Variants in P4HA3 observed in about 807,000 individuals in gnomAD.
P4HA3 encodes the protein prolyl 4-hydroxylase subunit alpha-3.
In P4HA3, 60 loss-of-function variants were observed where a neutral mutation model predicts 66.7. The ratio of observed to expected loss-of-function variants is 0.90; its 90% CI spans 0.73 to 1.12. P4HA3 has a LOEUF of 1.12. Among genes scored for constraint, P4HA3 ranks in the 50% most tolerant of loss-of-function variants. The probability of loss-of-function intolerance (pLI) is 0.00; values close to 1 mark genes in which losing one functional copy is unlikely to be tolerated. For missense variants in P4HA3, 683 were observed against 685.8 expected (o/e 1.00, Z 0.05); for synonymous variants, 263 against 274.6 (o/e 0.96, Z 0.42).
At chr11:74,262,585 C>A (rs1226375355), downstream of P4HA3, among the ~76,000 whole-genome samples, 2 of 152,150 alleles carry the variant, frequency 1.3e-5, no homozygotes, top group African/African-American at 4.8e-5. Flanking sequence ...TCTTTAAACC[C>A]CATTTTCCTC....
At chr11:74,253,613 G>A in intron 15 of P4HA3, 1 of 1,300,100 alleles carries the variant, frequency 7.7e-7, no homozygotes, top group East Asian at 2.3e-5. Flanking sequence ...GCCCAGCCAT[G>A]TGACACTGGC....
chr11:74,261,283 G>A (rs1489800881), intron 14 of P4HA3, among the ~76,000 whole-genome samples: 5 of 152,172 alleles, frequency 3.3e-5, no homozygotes, highest in South Asian at 2.1e-4. Context: ...AATGGGGAGC[G>A]TGTGCTGACT....
chr11:74,263,678 A>G (rs1565401791), downstream of P4HA3, among the ~76,000 whole-genome samples: 1 of 152,348 alleles, frequency 6.6e-6, no homozygotes, highest in East Asian at 1.9e-4. Flanking sequence ...TGCCTGGCCT[A>G]TCATAAATGA....
At chr11:74,296,421 G>A (rs1225523711) in intron 4 of P4HA3, among the ~76,000 whole-genome samples, 1 of 152,014 alleles carries the variant, frequency 6.6e-6, no homozygotes, top group African/African-American at 2.4e-5. Flanking sequence ...GATAATGAAA[G>A]GTCCACAGGG....
chr11:74,269,240 G>A (rs1401955208), intron 11 of P4HA3, among the ~76,000 whole-genome samples: 7 of 152,022 alleles, frequency 4.6e-5, no homozygotes, highest in Non-Finnish European at 7.4e-5. Context: ...GCCTGCTGAC[G>A]TCTCTGTAAA....
In P4HA3 at chr11:74,311,594, C is replaced by A; in HGVS notation, c.18G>T (p.Arg6=). Residue 6 remains arginine, a synonymous_variant, in exon 1 of 13, where the codon CGG becomes CGT. Coordinates refer to ENST00000331597, the MANE Select transcript of P4HA3 (RefSeq NM_182904.5). MGPGA[R]LAALLAVLAL... ...CCAGCACCGCCAGCAGCGCCGCCAG[C>A]CGCGCCCCAGGACCCATAGCCAGCG... 1.3e-6 allele frequency: 2 copies of A among 1,534,652 alleles called. No homozygotes were observed. The highest frequency in any genetic ancestry group is 8.7e-7 in the Non-Finnish European group (1 of 1,152,164).
chr11:74,266,236 G>A (rs545104092), downstream of P4HA3, among the ~76,000 whole-genome samples: 1 of 152,206 alleles, frequency 6.6e-6, no homozygotes, highest in East Asian at 1.9e-4. Flanking sequence ...TAAATAAAAT[G>A]CTGTACAGTC....
chr11:74,282,404 G>C (rs1860638949), intron 7 of P4HA3, among the ~76,000 whole-genome samples: 1 of 152,174 alleles, frequency 6.6e-6, no homozygotes, highest in African/African-American at 2.4e-5. Context: ...GGGACACATA[G>C]CCCATTCTTA....
rs140613720 is a variant in P4HA3, at chr11:74,279,400, C to T, written c.1163G>A (p.Arg388His). The change falls in exon 8 of 13, where the codon CGC becomes CAC. Residue 388 changes from arginine to histidine, a missense_variant. Coordinates refer to ENST00000331597, the MANE Select transcript of P4HA3 (RefSeq NM_182904.5). ...SGEKQLQVEY[R>H]ISKSAWLKDT... ...GGGCCCTTCTTACCTTTTGCTGATG[C>T]GGTACTCCACTTGTAACTGCTTCTC... is the stretch of plus-strand genomic sequence containing the variant. The T allele has an allele frequency of 1.6e-4, 253 of 1,613,796 alleles. 1 individual carries two copies. Among genetic ancestry groups the T allele is most frequent in the East Asian group, 4.2e-4 (19 of 44,870 alleles).
intron 15 of P4HA3, chr11:74,259,916 T>C (rs964705075): frequency 6.6e-6 from 1 of 152,242 alleles, no homozygotes; most frequent in Non-Finnish European, 1.5e-5. Context: ...TTCTTTCAGA[T>C]ACATACCTGG....
downstream of P4HA3, among the ~76,000 whole-genome samples, chr11:74,266,401 T>G (rs1048357921): frequency 6.6e-6 from 1 of 152,240 alleles, no homozygotes; most frequent in Admixed American, 6.5e-5. Flanking sequence ...CTAGATTACT[T>G]ATAACACCTA....
At chr11:74,284,651 G>A (rs17132911) in intron 7 of P4HA3, among the ~76,000 whole-genome samples, 16,579 of 152,088 alleles carry the variant, frequency 0.11, 1,520 homozygotes, top group African/African-American at 0.25. Flanking sequence ...TGTCTATTTA[G>A]TCATTCATGG....
intron 7 of P4HA3, among the ~76,000 whole-genome samples, chr11:74,280,140 T>C (rs1193969418): frequency 6.6e-6 from 1 of 152,166 alleles, no homozygotes; most frequent in Admixed American, 6.5e-5. Flanking sequence ...TGTCTAGGTA[T>C]AGCATTTAAA....
intron 1 of P4HA3, among the ~76,000 whole-genome samples, chr11:74,310,597 C>G (rs1861706685): frequency 1.3e-5 from 2 of 152,238 alleles, no homozygotes; most frequent in Admixed American, 1.3e-4. Flanking sequence ...GACCCAAACT[C>G]CTCGAGGGCA....
At chr11:74,293,197 G>T (rs1028671655) in intron 4 of P4HA3, among the ~76,000 whole-genome samples, 6 of 151,942 alleles carry the variant, frequency 3.9e-5, no homozygotes, top group African/African-American at 1.5e-4. Flanking sequence ...TTACCATTAT[G>T]TAATGGCCTT....
chr11:74,279,540 G>A (rs1339558134), intron 7 of P4HA3, 88 bp from the exon 8 acceptor site: 1 of 1,305,970 alleles, frequency 7.7e-7, no homozygotes, highest in Non-Finnish European at 1.1e-6. Flanking sequence ...TCTCTCTTAA[G>A]CATCAACATA....
At chr11:74,256,929 T>G (rs1229926869) in intron 15 of P4HA3, among the ~76,000 whole-genome samples, 2 of 152,152 alleles carry the variant, frequency 1.3e-5, no homozygotes, top group Admixed American at 6.5e-5. Flanking sequence ...ATTTGCTGAT[T>G]AAGCAAACCC....
rs376358318 is a variant in P4HA3, at chr11:74,304,218, G to A, written c.343+52C>T. ...CAACAGAATCTCTCTCCTTACCACCGAGTCAGGAGATAGAATCTTCTCTCT... is the reference window on the plus strand; with the variant it reads ...CAACAGAATCTCTCTCCTTACCACCAAGTCAGGAGATAGAATCTTCTCTCT... On this transcript the variant is annotated intron_variant, in intron 2 of 12. Transcript: ENST00000331597. 51 of 1,588,664 alleles carry A rather than the reference G, an allele frequency of 3.2e-5. 1 individual carries two copies. In the Middle Eastern group the frequency reaches 7.4e-4, roughly 23 times the overall value.
chr11:74,252,794 T>TA (rs1218900767), intron 15 of P4HA3, among the ~76,000 whole-genome samples: 1 of 152,084 alleles, frequency 6.6e-6, no homozygotes, highest in Non-Finnish European at 1.5e-5. Context: ...CAGGGCCAGG[T>TA]CTCTCATCCT....
Sources: gnomAD v4.1 joint callset for allele counts (sites outside exome capture counted in the v4.1 genomes callset) on GRCh38, gnomAD v4.1.1 for gene constraint, MANE v1.5 for transcripts, NCBI Gene and HGNC (gene_info 2026-07-23, HGNC 2026-07-21) for gene names.